COL4A4: variants seen among roughly 807,000 people sequenced by gnomAD.
COL4A4 encodes the protein collagen type IV alpha 4 chain.
A neutral mutation model predicts 192.9 loss-of-function variants in COL4A4; 105 were observed. The ratio of observed to expected loss-of-function variants is 0.54; its 90% CI spans 0.46 to 0.64. COL4A4 has a LOEUF of 0.64. Ranked by LOEUF, COL4A4 falls within the 30% of genes least tolerant of loss-of-function variation. COL4A4 has a pLI of 0.00. For synonymous variants in COL4A4, 762 were observed against 769.9 expected, an observed-to-expected ratio of 0.99 and a Z score of 0.17; for missense variants, 1,967 against 2,169.3, an observed-to-expected ratio of 0.91 and a Z score of 1.85.
chr2:227,084,988 G>C (rs1329245536), intron 22 of COL4A4, among the ~76,000 whole-genome samples: 1 of 151,898 alleles, frequency 6.6e-6, no homozygotes, highest in East Asian at 1.9e-4. Flanking sequence ...AAAATTAGCT[G>C]GGTGTGGTGG....
chr2:227,099,763 T>G, intron 17 of COL4A4, 74 bp from the exon 18 acceptor site: 1 of 1,285,534 alleles, frequency 7.8e-7, no homozygotes, highest in Non-Finnish European at 1.1e-6. Flanking sequence ...AAACCAGTAT[T>G]AGAACGATCA....
In COL4A4 at chr2:227,054,076, T is replaced by G. The variant is rs141921391; in HGVS notation, c.2860+518A>C. On this transcript the variant is annotated intron_variant, in intron 31 of 47. Transcript: ENST00000396625. ...TCATGGTGTGAAAATTATATGAAAT[T>G]CAAACCTTAGTATCCATAAATACCA... Among the ~76,000 whole-genome samples the G allele has an allele frequency of 3.8e-4, 58 of 152,336 alleles. No homozygotes were observed. In the East Asian group the frequency reaches 0.011, roughly 29 times the overall value.
At chr2:227,110,722 T>G (rs1391860495) in intron 9 of COL4A4, among the ~76,000 whole-genome samples, 1 of 141,910 alleles carries the variant, frequency 7.0e-6, no homozygotes, top group Non-Finnish European at 1.5e-5. Context: ...TCAGTCTTGT[T>G]GCCCAGGCTG....
At chr2:227,034,702 G>T in intron 37 of COL4A4, among the ~76,000 whole-genome samples, 1 of 147,852 alleles carries the variant, frequency 6.8e-6, no homozygotes, top group Non-Finnish European at 1.5e-5. Context: ...ATCTCCCAAT[G>T]CTATCCCTCC....
chr2:227,059,643 A>AT lies in COL4A4; in HGVS notation c.2165-21_2165-20insA, dbSNP rs1976388303. The stretch of plus-strand genomic sequence containing the variant: ...GAAAACCTATTTAACAACAAAAAAA[A>AT]ATTTTTAATGATAACATGTGCAAGT... On this transcript the variant is annotated intron_variant, in intron 27 of 47. Transcript: ENST00000396625. 1.9e-6 allele frequency: 3 copies of AT among 1,586,938 alleles called. No homozygotes were observed. Among genetic ancestry groups the AT allele is most frequent in the African/African-American group, 2.7e-5 (2 of 74,210 alleles).
chr2:227,149,386 C>T (rs73993702), intron 1 of COL4A4, among the ~76,000 whole-genome samples: 13,673 of 152,142 alleles, frequency 0.09, 2,000 homozygotes, highest in African/African-American at 0.31. Context: ...AGTCATAGGT[C>T]CCTAGTTTCT....
intron 1 of COL4A4, among the ~76,000 whole-genome samples, chr2:227,148,328 G>T (rs531103496): frequency 6.6e-6 from 1 of 152,304 alleles, no homozygotes; most frequent in East Asian, 1.9e-4. Context: ...GCCATGAAAA[G>T]GAATGAAGTG....
intron 34 of COL4A4, among the ~76,000 whole-genome samples, chr2:227,049,455 AATAGTTGTG>A (rs1309543562): frequency 6.6e-6 from 1 of 152,244 alleles, no homozygotes; most frequent in Non-Finnish European, 1.5e-5. Flanking sequence ...AACACAGTTG[AATAGTTGTG>A]ACTGAGACCA....
At chr2:226,985,804 G>A in the COL4A4 span, among the ~76,000 whole-genome samples, 2 of 152,218 alleles carry the variant, frequency 1.3e-5, no homozygotes, top group Admixed American at 6.5e-5. Context: ...GATGATTCCA[G>A]ACCACTATAT....
intron 22 of COL4A4, among the ~76,000 whole-genome samples, chr2:227,083,664 G>T (rs2150539187): frequency 6.6e-6 from 1 of 151,512 alleles, no homozygotes. Context: ...GTATTGCCCA[G>T]GCTGGTCTCA....
At position 227,123,670 on chromosome 2, in the gene COL4A4, G is replaced by A. The variant is rs550497758; in HGVS notation, c.193-2522C>T. ...TGGAGTGCCTGCCAACTGTGCCTCC[G>A]GGGCTTTGGATAAAGCCCTGACAGA... On this transcript the variant is annotated intron_variant, in intron 4 of 47. Coordinates refer to ENST00000396625, the MANE Select transcript of COL4A4 (RefSeq NM_000092.5). This position sits in a 1 kb window ranked among gnomAD's most constrained non-coding sequence, Gnocchi z 4.6. Among the ~76,000 whole-genome samples, 50 of 152,272 alleles carry A rather than the reference G, an allele frequency of 3.3e-4. No individual in the cohort carries two copies. Among genetic ancestry groups the A allele is most frequent in the Non-Finnish European group, 5.0e-4 (34 of 68,014 alleles).
intron 37 of COL4A4, among the ~76,000 whole-genome samples, chr2:227,037,288 A>C (rs1274092980): frequency 6.6e-6 from 1 of 152,088 alleles, no homozygotes; most frequent in Admixed American, 6.6e-5. Flanking sequence ...CCCTATGTCC[A>C]TGTGTTCTCA....
At chr2:227,157,675 G>C (rs1450668261) in intron 1 of COL4A4, among the ~76,000 whole-genome samples, 1 of 151,858 alleles carries the variant, frequency 6.6e-6, no homozygotes, top group Non-Finnish European at 1.5e-5. Context: ...TTTTGTGAAA[G>C]ACATCAATTA....
rs1414245511 is a variant in COL4A4 at position 227,041,697 on chromosome 2, AGAGAGAGAAGGAAGGAAGG to A, written c.3505+432_3505+450del. ...AAAAAAGAAAGAAAGACAGAGAGAGAGAGAGAGAAGGAAGGAAGGGAGGAGGAAGGAAGGAAGGAAGGAA... is the reference window on the plus strand; with the variant it reads ...AAAAAAGAAAGAAAGACAGAGAGAGAGAGGAGGAAGGAAGGAAGGAAGGAA... On this transcript the variant is annotated intron_variant, in intron 37 of 47. Coordinates refer to ENST00000396625, the MANE Select transcript of COL4A4 (RefSeq NM_000092.5). Among the ~76,000 whole-genome samples the A allele has an allele frequency of 1.5e-3, 205 of 140,284 alleles. 3 individuals are homozygous for A. Among genetic ancestry groups the A allele is most frequent in the African/African-American group, 5.6e-3 (198 of 35,108 alleles). 92.0% of individuals were successfully genotyped at this position (140,284 alleles called of 152,430 possible).
intron 41 of COL4A4, among the ~76,000 whole-genome samples, chr2:227,030,159 A>G (rs985004243): frequency 6.6e-6 from 1 of 152,000 alleles, no homozygotes; most frequent in East Asian, 1.9e-4. Context: ...TGTGTCTACT[A>G]TATTTTTAAA....
intron 8 of COL4A4, among the ~76,000 whole-genome samples, chr2:227,114,277 G>T (rs1406328572): frequency 6.6e-6 from 1 of 152,250 alleles, no homozygotes; most frequent in Non-Finnish European, 1.5e-5. Flanking sequence ...CTAATGAGTA[G>T]AGGCCAGAGG....
At chr2:227,153,085 G>A (rs944530997) in intron 1 of COL4A4, among the ~76,000 whole-genome samples, 4 of 152,144 alleles carry the variant, frequency 2.6e-5, no homozygotes, top group South Asian at 2.1e-4. Context: ...AGAGCCAAGC[G>A]AAAAGGAAAA....
rs753010952 is a variant in COL4A4 at position 227,109,294 on chromosome 2, T to G, written c.595-8A>C. 10 of 1,613,140 alleles carry G rather than the reference T, an allele frequency of 6.2e-6. No homozygotes were observed. The East Asian group carries it at 1.8e-4, about 29-fold the overall frequency. On this transcript the variant is annotated splice_region_variant and splice_polypyrimidine_tract_variant and intron_variant, in intron 9 of 47. Transcript: ENST00000396625. Reference sequence around the variant, plus strand: ...TCCTGCACCCCAAGATCCCTAAACATGAGAAAAATCAGTGCATCTGTTACC... The same window carrying G: ...TCCTGCACCCCAAGATCCCTAAACAGGAGAAAAATCAGTGCATCTGTTACC...
Position 227,099,625 on chromosome 2 carries a change from A to G in COL4A4, c.1094T>C (p.Leu365Pro). ...AACTGAATAGGAACACAAACCTTTG[A>G]GTGGAAGAGGTGGAGTCACCAAAAC... ...PGVLVTPPLP[L>P]KGPPGDPGFP... The change falls in exon 18 of 48, where the codon CTC becomes CCC. Residue 365 changes from leucine to proline, a missense_variant. By Grantham distance (98) the Leu-to-Pro change is moderately conservative (BLOSUM62 -3). Coordinates refer to ENST00000396625, the MANE Select transcript of COL4A4 (RefSeq NM_000092.5). 1 of 1,613,996 alleles carries G rather than the reference A, an allele frequency of 6.2e-7. No individual in the cohort carries two copies. The highest frequency in any genetic ancestry group is 1.1e-5 in the South Asian group (1 of 91,070).
Sources: gnomAD v4.1 joint callset for allele counts (sites outside exome capture counted in the v4.1 genomes callset) on GRCh38, gnomAD v4.1.1 for gene constraint, Gnocchi (gnomAD v3.1) non-coding constraint, MANE v1.5 for transcripts, NCBI Gene and HGNC (gene_info 2026-07-23, HGNC 2026-07-21) for gene names.